AR: variants seen among roughly 807,000 people sequenced by gnomAD.
The protein encoded by AR is dihydrotestosterone receptor.
Under a neutral mutation model 53.9 loss-of-function variants are expected in AR, and 8 were observed. The ratio of observed to expected loss-of-function variants is 0.15; its 90% CI spans 0.09 to 0.27. AR has a LOEUF of 0.27. AR is among the 10% of genes least tolerant of loss of function. AR has a pLI of 1.00. For missense variants in AR, 639 were observed against 742.5 expected, an observed-to-expected ratio of 0.86 and a Z score of 1.62; for synonymous variants, 359 against 316.4, an observed-to-expected ratio of 1.13 and a Z score of -1.43.
chrX:67,665,785 G>T (rs777907149), intron 2 of AR, among the ~76,000 whole-genome samples: 18 of 111,885 alleles, frequency 1.6e-4, no homozygotes, highest in Non-Finnish European at 3.2e-4. Context: ...GCCTCAAGGA[G>T]GCCCTCACTG....
rs1430327321 is a variant in AR, at chrX:67,714,092, C to T, written c.2173+2403C>T. On this transcript the variant is annotated intron_variant, in intron 4 of 7. Transcript: ENST00000374690. ...GTATGAAAATTGCCTAGTAGAGTAC[C>T]TGGCACATTAATAAATGATAACTGT... Among the ~76,000 whole-genome samples the T allele has an allele frequency of 1.8e-4, 20 of 111,608 alleles. No homozygotes were observed. The Admixed American group carries it at 1.9e-3, about 11-fold the overall frequency.
At chrX:67,589,561 C>T (rs1404467192) in intron 1 of AR, among the ~76,000 whole-genome samples, 1 of 111,852 alleles carries the variant, frequency 8.9e-6, no homozygotes, top group East Asian at 2.8e-4. Context: ...CCATGAGGAT[C>T]CCATGGAGAA....
chrX:67,658,973 T>C (rs1322433506), intron 2 of AR, among the ~76,000 whole-genome samples: 2 of 111,647 alleles, frequency 1.8e-5, no homozygotes, highest in South Asian at 3.8e-4. Context: ...TGTTTAGTAA[T>C]TGGTTGACTT....
At chrX:67,675,636 G>A (rs546428443) in intron 2 of AR, among the ~76,000 whole-genome samples, 1 of 111,781 alleles carries the variant, frequency 8.9e-6, no homozygotes, top group Non-Finnish European at 1.9e-5. Flanking sequence ...AGCCTGCTCT[G>A]AACACCATGT....
intron 1 of AR, among the ~76,000 whole-genome samples, chrX:67,633,026 A>G (rs1367870273): frequency 1.8e-5 from 2 of 112,563 alleles, no homozygotes; most frequent in African/African-American, 6.4e-5. Flanking sequence ...ATTGGCTTTA[A>G]TGTGGAGGAG....
rs759631720 is a variant in AR at position 67,658,365 on chromosome X, T to A, written c.1768+14958T>A. On this transcript the variant is annotated intron_variant, in intron 2 of 7. Coordinates refer to ENST00000374690, the MANE Select transcript of AR (RefSeq NM_000044.6). ...AGGGAAAAAGAAGCAGAGGAAGGGA[T>A]AGTAGAGAGAAATGTATAAGTTTTA... Among the ~76,000 whole-genome samples the A allele has an allele frequency of 2.7e-5, 3 of 112,152 alleles. No individual in the cohort carries two copies. In the South Asian group the frequency reaches 1.1e-3, roughly 42 times the overall value.
chrX:67,589,116 A>G (rs896708516), intron 1 of AR, among the ~76,000 whole-genome samples: 1 of 112,239 alleles, frequency 8.9e-6, no homozygotes, highest in Non-Finnish European at 1.9e-5. Flanking sequence ...ACTGTTAATT[A>G]GCCGGGCGCG....
chrX:67,637,890 T>A, intron 1 of AR, among the ~76,000 whole-genome samples: 1 of 110,990 alleles, frequency 9.0e-6, no homozygotes, highest in Non-Finnish European at 1.9e-5. Context: ...GTTTGTTACA[T>A]AGGTACACAC....
At chrX:67,644,512 A>G (rs1462947532) in intron 2 of AR, among the ~76,000 whole-genome samples, 2 of 111,924 alleles carry the variant, frequency 1.8e-5, no homozygotes, top group Non-Finnish European at 3.8e-5. Flanking sequence ...AAACATAGGT[A>G]TGTAGGCCAC....
rs756099013 is a variant in AR, at chrX:67,720,175, C to T, written c.2319-1658C>T. 5.4e-5 allele frequency among the ~76,000 whole-genome samples: 6 copies of T among 111,613 alleles called. No individual in the cohort carries two copies. In the East Asian group the frequency reaches 1.7e-3, roughly 32 times the overall value. Reference sequence around the variant, plus strand: ...ATCTTCATTTCTCCTCTTATTTTCTCTCTTGCACTCCCACCAACCTTGTTC... The same window carrying T: ...ATCTTCATTTCTCCTCTTATTTTCTTTCTTGCACTCCCACCAACCTTGTTC... On this transcript the variant is annotated intron_variant, in intron 5 of 7. Coordinates refer to ENST00000374690, the MANE Select transcript of AR (RefSeq NM_000044.6).
intron 1 of AR, among the ~76,000 whole-genome samples, chrX:67,572,374 G>A (rs970486080): frequency 9.0e-6 from 1 of 111,559 alleles, no homozygotes; most frequent in Non-Finnish European, 1.9e-5. Flanking sequence ...GTTCAATTTT[G>A]TTAGTCAACA....
At chrX:67,690,317 G>T (rs1334205609) in intron 3 of AR, among the ~76,000 whole-genome samples, 2 of 111,858 alleles carry the variant, frequency 1.8e-5, no homozygotes, top group Non-Finnish European at 1.9e-5. Context: ...TAGTTGAGAG[G>T]ATGGCTCAAG....
chrX:67,552,347 A>G (rs1318207736), intron 1 of AR, among the ~76,000 whole-genome samples: 3 of 112,329 alleles, frequency 2.7e-5, no homozygotes, highest in Non-Finnish European at 5.6e-5. Flanking sequence ...AGCACATATC[A>G]GTACTTCACT....
chrX:67,601,833 G>A (rs57404055), intron 1 of AR, among the ~76,000 whole-genome samples: 3,493 of 111,617 alleles, frequency 0.031, 141 homozygotes, highest in African/African-American at 0.11. Flanking sequence ...ATAAGAGCTC[G>A]TAGATAATTC....
intron 1 of AR, among the ~76,000 whole-genome samples, chrX:67,604,513 C>A (rs769110835): frequency 3.6e-5 from 4 of 110,765 alleles, no homozygotes; most frequent in Admixed American, 2.9e-4. Flanking sequence ...TTTCTCTAAC[C>A]CTTAGCATGT....
chrX:67,569,107 G>C (rs1236063500), intron 1 of AR: 5 of 1,023,150 alleles, frequency 4.9e-6, no homozygotes, highest in Non-Finnish European at 6.8e-6. Flanking sequence ...CTAATATTAC[G>C]CAGCCATGAC....
At chrX:67,654,846 G>C (rs1027566516) in intron 2 of AR, among the ~76,000 whole-genome samples, 5 of 94,848 alleles carry the variant, frequency 5.3e-5, no homozygotes, top group African/African-American at 2.0e-4. Flanking sequence ...CTTTTATCTA[G>C]CATGCCGTCT....
At chrX:67,547,453 A>T (rs1413828135) in intron 1 of AR, among the ~76,000 whole-genome samples, 1 of 111,657 alleles carries the variant, frequency 9.0e-6, no homozygotes, top group Non-Finnish European at 1.9e-5. Context: ...CAGGATTTGC[A>T]CTCACAGTTT....
intron 2 of AR, among the ~76,000 whole-genome samples, chrX:67,685,574 C>T (rs186033912): frequency 1.8e-5 from 2 of 111,493 alleles, no homozygotes; most frequent in African/African-American, 6.5e-5. Context: ...ATCTTATTAG[C>T]TCGAGTGTAA....
Sources: allele counts gnomAD v4.1 joint callset (sites outside exome capture counted in the v4.1 genomes callset), GRCh38; gene constraint gnomAD v4.1.1; transcripts MANE v1.5; gene names NCBI Gene and HGNC (gene_info 2026-07-23, HGNC 2026-07-21).